Variants in IKZF2 observed in about 807,000 individuals in gnomAD.
IKZF2 encodes IKAROS family zinc finger 2.
Under a neutral mutation model 49.2 loss-of-function variants are expected in IKZF2, and 15 were observed. The observed-to-expected ratio is 0.30, with a 90% confidence interval of 0.20 to 0.47. The LOEUF is 0.47. Ranked by LOEUF, IKZF2 falls within the 20% of genes least tolerant of loss-of-function variation. The probability of loss-of-function intolerance (pLI) is 1.00; values close to 1 mark genes in which losing one functional copy is unlikely to be tolerated. For synonymous variants in IKZF2, 227 were observed against 221.4 expected (o/e 1.03, Z -0.23); for missense variants, 567 against 664.6 (o/e 0.85, Z 1.61).
At chr2:213,077,538 T>A (rs1218467039) in intron 4 of IKZF2, among the ~76,000 whole-genome samples, 1 of 151,246 alleles carries the variant, frequency 6.6e-6, no homozygotes, top group East Asian at 1.9e-4. Context: ...TAAATTTTTT[T>A]AATTGACCTT....
At position 213,004,384 on chromosome 2, in the gene IKZF2, G is replaced by C. The variant is rs1695153240; in HGVS notation, c.*2976C>G. 1 of 151,696 alleles carries C rather than the reference G, an allele frequency of 6.6e-6. No individual in the cohort carries two copies. The highest frequency in any genetic ancestry group is 1.5e-5 in the Non-Finnish European group (1 of 67,830). The allele number at this position is 151,696 out of a possible 1,614,324, so 9.4% of individuals were successfully genotyped here. A position where few individuals can be genotyped will look rare whatever the true frequency, so the allele number is the denominator to read the frequency against. ...GTCTTAAAAAGGTCCAATTAGAATG[G>C]CTTTTGAGCATGATTCATCACTGTC... is the stretch of plus-strand genomic sequence containing the variant. On this transcript the variant is annotated 3_prime_UTR_variant, in exon 9 of 9. Transcript: ENST00000434687.
intron 4 of IKZF2, among the ~76,000 whole-genome samples, chr2:213,076,818 G>A (rs1242861293): frequency 6.6e-6 from 1 of 152,184 alleles, no homozygotes; most frequent in African/African-American, 2.4e-5. Context: ...CAGGAGAAGG[G>A]CGTGAACCCA....
At chr2:213,133,478 C>G (rs986080955) in intron 4 of IKZF2, among the ~76,000 whole-genome samples, 1 of 152,116 alleles carries the variant, frequency 6.6e-6, no homozygotes, top group African/African-American at 2.4e-5. Flanking sequence ...CGCCTGTGAT[C>G]CCAGCACTTT....
chr2:213,095,626 A>G (rs1479779228), intron 4 of IKZF2, among the ~76,000 whole-genome samples: 1 of 152,096 alleles, frequency 6.6e-6, no homozygotes, highest in Non-Finnish European at 1.5e-5. Context: ...AGATTAAAAT[A>G]TGTTTTTGTA....
chr2:213,150,653 C>T (rs939737091), intron 1 of IKZF2, among the ~76,000 whole-genome samples: 1 of 130,234 alleles, frequency 7.7e-6, no homozygotes, highest in Admixed American at 9.6e-5. Context: ...CTTGATCCAC[C>T]GGTTCCTTAA....
At chr2:213,092,910 G>A (rs146333779) in intron 4 of IKZF2, among the ~76,000 whole-genome samples, 12 of 152,200 alleles carry the variant, frequency 7.9e-5, no homozygotes, top group African/African-American at 1.2e-4. Flanking sequence ...CCCAGAAGGC[G>A]CTGGACATCT....
At position 213,022,028 on chromosome 2, in the gene IKZF2, C is replaced by A; in HGVS notation, c.677G>T (p.Ser226Ile). Residue 226 changes from serine to isoleucine, a missense_variant, in exon 7 of 9, where the codon AGC becomes ATC. Around this residue, in one of 5 missense-constraint regions of IKZF2, gnomAD observed 310 missense variants for 326.9 expected, o/e 0.95. Coordinates refer to ENST00000434687, the MANE Select transcript of IKZF2 (RefSeq NM_001387220.1). ...CATGACCTGCCCAGCAGCCTCCATG[C>A]TGACATTCTGGAGATAGTTGTGGCA... is the stretch of plus-strand genomic sequence containing the variant. The part of the protein sequence containing the change: ...ERCHNYLQNV[S>I]MEAAGQVMSH... 2 of 1,613,830 alleles carry A rather than the reference C, an allele frequency of 1.2e-6. No homozygotes were observed. Among genetic ancestry groups the A allele is most frequent in the Non-Finnish European group, 1.7e-6 (2 of 1,179,812 alleles).
chr2:213,078,545 C>T (rs181925230), intron 4 of IKZF2, among the ~76,000 whole-genome samples: 6 of 152,266 alleles, frequency 3.9e-5, no homozygotes, highest in Admixed American at 2.0e-4. Flanking sequence ...AAAACTGAAT[C>T]GCAGAAAACA....
rs1574652108 is a variant in IKZF2, at chr2:213,055,443, G to C, written c.406+1390C>G. Among the ~76,000 whole-genome samples, 3 of 146,772 alleles carry C rather than the reference G, an allele frequency of 2.0e-5. No individual in the cohort carries two copies. The South Asian group carries it at 6.3e-4, about 31-fold the overall frequency. ...ATAAATATTTTTAAAACATCGTGCT[G>C]TTTAAAAAGGAGATAAAAAACGAAA... is the stretch of plus-strand genomic sequence containing the variant. On this transcript the variant is annotated intron_variant, in intron 5 of 8. Transcript: ENST00000434687.
intron 4 of IKZF2, among the ~76,000 whole-genome samples, chr2:213,059,543 A>T (rs1574668053): frequency 6.6e-6 from 1 of 151,658 alleles, no homozygotes; most frequent in Non-Finnish European, 1.5e-5. Context: ...ATTAAAATTA[A>T]GAAAGAAAAT....
chr2:213,035,011 T>A (rs1484677503), intron 6 of IKZF2, among the ~76,000 whole-genome samples: 1 of 152,176 alleles, frequency 6.6e-6, no homozygotes, highest in African/African-American at 2.4e-5. Context: ...CAGAAGCAAA[T>A]AGCTTGCTCT....
chr2:213,066,674 T>G (rs1366550084), intron 4 of IKZF2, among the ~76,000 whole-genome samples: 1 of 152,080 alleles, frequency 6.6e-6, no homozygotes, highest in East Asian at 1.9e-4. Flanking sequence ...AGATACTTAT[T>G]TTCCACAATG....
At chr2:213,025,756 G>A (rs1315935074) in intron 6 of IKZF2, among the ~76,000 whole-genome samples, 1 of 151,998 alleles carries the variant, frequency 6.6e-6, no homozygotes, top group Non-Finnish European at 1.5e-5. Flanking sequence ...CTCCCTCTTT[G>A]TTCTGACTGC....
intron 4 of IKZF2, among the ~76,000 whole-genome samples, chr2:213,136,048 CAAA>C (rs534093528): frequency 1.9e-5 from 2 of 105,456 alleles, no homozygotes. Flanking sequence ...GACTCCGTTT[CAAA>C]AAAAAAAAAA....
Position 213,000,263 on chromosome 2 carries a change from T to TA in IKZF2, c.*7096dup, listed in dbSNP as rs1297358956. On this transcript the variant is annotated 3_prime_UTR_variant, in exon 9 of 9. Transcript: ENST00000434687. Reference sequence around the variant, plus strand: ...CTTTACATATATATTTATATATATATATATATATTTCTTTTTTAAACAATA... The same window carrying TA: ...CTTTACATATATATTTATATATATATAATATATATTTCTTTTTTAAACAATA... 1 of 146,904 alleles carries TA rather than the reference T, an allele frequency of 6.8e-6. No individual in the cohort carries two copies. The highest frequency in any genetic ancestry group is 2.5e-5 in the African/African-American group (1 of 40,692). The allele number at this position is 146,904 out of a possible 1,614,324, so 9.1% of individuals were successfully genotyped here. A position where few individuals can be genotyped will look rare whatever the true frequency, so the allele number is the denominator to read the frequency against.
intron 8 of IKZF2, among the ~76,000 whole-genome samples, chr2:213,009,007 C>T (rs534457259): frequency 4.6e-5 from 7 of 151,970 alleles, no homozygotes; most frequent in Non-Finnish European, 5.9e-5. Context: ...AGAGTTATTT[C>T]AAAAAGTATT....
intron 8 of IKZF2, among the ~76,000 whole-genome samples, chr2:213,009,325 G>C (rs1695690252): frequency 6.6e-6 from 1 of 152,132 alleles, no homozygotes; most frequent in Non-Finnish European, 1.5e-5. Context: ...TGCTGGTTTT[G>C]AACAGAATAT....
chr2:213,118,004 C>T (rs2059931965), intron 4 of IKZF2, among the ~76,000 whole-genome samples: 1 of 152,038 alleles, frequency 6.6e-6, no homozygotes, highest in African/African-American at 2.4e-5. Context: ...ATTCTTATAA[C>T]CACTACCATA....
intron 4 of IKZF2, among the ~76,000 whole-genome samples, chr2:213,098,966 T>C (rs1392177813): frequency 6.6e-6 from 1 of 152,192 alleles, no homozygotes; most frequent in African/African-American, 2.4e-5. Flanking sequence ...TTGCCCTTGA[T>C]AGTTTTTATC....
Sources: allele counts gnomAD v4.1 joint callset (sites outside exome capture counted in the v4.1 genomes callset), GRCh38; gene constraint gnomAD v4.1.1; regional missense constraint gnomAD v4.1.1; transcripts MANE v1.5; gene names NCBI Gene and HGNC (gene_info 2026-07-23, HGNC 2026-07-21).